Variants in PACSIN2 observed in about 807,000 individuals in gnomAD.
The protein encoded by PACSIN2 is protein kinase C and casein kinase substrate in neurons 2, also known as protein kinase C and casein kinase substrate in neurons protein 2.
Under a neutral mutation model 63.8 loss-of-function variants are expected in PACSIN2, and 25 were observed. The ratio of observed to expected loss-of-function variants is 0.39; its 90% CI spans 0.29 to 0.55. The LOEUF (loss-of-function observed/expected upper bound fraction) is 0.55. Ranked by LOEUF, PACSIN2 falls within the 20% of genes least tolerant of loss-of-function variation. The probability of loss-of-function intolerance (pLI) is 0.62; values close to 1 mark genes in which losing one functional copy is unlikely to be tolerated. For missense variants in PACSIN2, 518 were observed against 646.9 expected (o/e 0.80, Z 2.16); for synonymous variants, 255 against 256.2 (o/e 1.00, Z 0.05).
chr22:42,876,012 A>C, intron 10 of PACSIN2, 125 bp downstream of exon 10: 1 of 735,940 alleles, frequency 1.4e-6, no homozygotes, highest in Non-Finnish European at 2.2e-6. Flanking sequence ...GCACTGGGGA[A>C]GGGCCTGCAG....
intron 1 of PACSIN2, among the ~76,000 whole-genome samples, chr22:42,939,502 C>T (rs1254598678): frequency 2.0e-5 from 3 of 152,122 alleles, no homozygotes; most frequent in Non-Finnish European, 2.9e-5. Flanking sequence ...CCTAACTGAA[C>T]CAGAACGATG....
intron 7 of PACSIN2, among the ~76,000 whole-genome samples, chr22:42,880,913 G>A (rs1254869227): frequency 6.6e-6 from 1 of 152,232 alleles, no homozygotes; most frequent in Non-Finnish European, 1.5e-5. Context: ...CGCTGTGTCT[G>A]AAACCCCAGC....
At position 42,995,913 on chromosome 22, in the gene PACSIN2, A is replaced by G. The variant is rs7289926; in HGVS notation, c.-78+19108T>C. Among the ~76,000 whole-genome samples, 729 of 152,272 alleles carry G rather than the reference A, an allele frequency of 4.8e-3. 1 individual carries two copies. Among genetic ancestry groups the G allele is most frequent in the African/African-American group, 0.015 (620 of 41,550 alleles). The stretch of plus-strand genomic sequence containing the variant: ...ACCTGCCCCCTTCCCCAGTCTCCAG[A>G]AAAATTTAAAAATTAGCCAGGTATT... On this transcript the variant is annotated intron_variant, in intron 1 of 10. Coordinates refer to ENST00000263246, the MANE Select transcript of PACSIN2 (RefSeq NM_001184970.3).
intron 1 of PACSIN2, among the ~76,000 whole-genome samples, chr22:42,930,824 A>AG (rs1257493145): frequency 2.0e-5 from 3 of 152,232 alleles, no homozygotes; most frequent in African/African-American, 7.2e-5. Context: ...ACAACTAGTA[A>AG]GGGGCAGAGC....
Position 42,977,170 on chromosome 22 carries a change from T to C in PACSIN2, c.-78+37851A>G, listed in dbSNP as rs562987320. On this transcript the variant is annotated intron_variant, in intron 1 of 10. Transcript: ENST00000263246. Reference sequence around the variant, plus strand: ...GGATGGAAGAAGAAACAAACATTTTTACAAAGAAATAGAAATAGAAATTTG... The same window carrying C: ...GGATGGAAGAAGAAACAAACATTTTCACAAAGAAATAGAAATAGAAATTTG... Among the ~76,000 whole-genome samples, 339 of 152,064 alleles carry C rather than the reference T, an allele frequency of 2.2e-3. 2 individuals are homozygous for C. The highest frequency in any genetic ancestry group is 3.4e-3 in the Non-Finnish European group (233 of 67,930).
chr22:42,899,683 T>C (rs1274326861), intron 2 of PACSIN2, among the ~76,000 whole-genome samples: 1 of 152,226 alleles, frequency 6.6e-6, no homozygotes, highest in Non-Finnish European at 1.5e-5. Context: ...AGCAGCTTCA[T>C]TCTGGGCTTA....
intron 1 of PACSIN2, chr22:42,960,048 A>T (rs1934074914): frequency 6.6e-6 from 1 of 152,206 alleles, no homozygotes; most frequent in Non-Finnish European, 1.5e-5. Flanking sequence ...GAAAGTGGCC[A>T]AAGAGAAATT....
At chr22:43,000,421 ACTG>A (rs757358970) in intron 1 of PACSIN2, among the ~76,000 whole-genome samples, 18 of 152,132 alleles carry the variant, frequency 1.2e-4, no homozygotes, top group Non-Finnish European at 2.6e-4. Context: ...CACCAATCAC[ACTG>A]CTAACATGAG....
At chr22:42,974,673 T>C (rs1464056519) in intron 1 of PACSIN2, among the ~76,000 whole-genome samples, 2 of 147,772 alleles carry the variant, frequency 1.4e-5, no homozygotes, top group Non-Finnish European at 1.5e-5. Flanking sequence ...TGCTTAAACC[T>C]GGGAGGTGGA....
intron 4 of PACSIN2, among the ~76,000 whole-genome samples, chr22:42,889,459 G>A (rs1193475177): frequency 1.3e-5 from 2 of 151,548 alleles, no homozygotes; most frequent in Non-Finnish European, 2.9e-5. Context: ...GAGGGAAGGA[G>A]GAGTTTATTA....
Position 42,891,144 on chromosome 22 carries a change from A to C in PACSIN2, c.256T>G (p.Phe86Val). The C allele has an allele frequency of 6.2e-7, 1 of 1,614,032 alleles. No homozygotes were observed. The highest frequency in any genetic ancestry group is 8.5e-7 in the Non-Finnish European group (1 of 1,179,992). The change falls in exon 4 of 11, where the codon TTC becomes GTC. Residue 86 changes from phenylalanine to valine, a missense_variant. Physicochemically the swap from Phe to Val is conservative, Grantham distance 50. Around this residue, in one of 2 missense-constraint regions of PACSIN2, gnomAD observed 507 missense variants for 612.3 expected, o/e 0.83. Coordinates refer to ENST00000263246, the MANE Select transcript of PACSIN2 (RefSeq NM_001184970.3). Reference protein sequence around the residue: ...YGTVEKAWMAFMSEAERVSEL... With the variant: ...YGTVEKAWMAVMSEAERVSEL... ...CTCACCCTCTCTGCCTCGGACATGA[A>C]GGCCATCCAGGCCTTCTCCACGGTC...
intron 1 of PACSIN2, among the ~76,000 whole-genome samples, chr22:42,941,354 T>C (rs912941927): frequency 6.6e-6 from 1 of 152,254 alleles, no homozygotes; most frequent in East Asian, 1.9e-4. Flanking sequence ...CTATTACCAT[T>C]TGTGTACAAG....
chr22:42,975,734 G>C (rs1319508425), intron 1 of PACSIN2, among the ~76,000 whole-genome samples: 1 of 151,128 alleles, frequency 6.6e-6, no homozygotes, highest in Non-Finnish European at 1.5e-5. Context: ...CCCACTAGGA[G>C]TTTCCCTGTG....
chr22:42,925,451 G>A (rs1213607932), intron 1 of PACSIN2, among the ~76,000 whole-genome samples: 2 of 150,740 alleles, frequency 1.3e-5, no homozygotes, highest in African/African-American at 2.4e-5. Flanking sequence ...TAGCACTCCA[G>A]CCTGGGCGAC....
chr22:43,010,526 T>C (rs557525881), intron 1 of PACSIN2, among the ~76,000 whole-genome samples: 23 of 151,876 alleles, frequency 1.5e-4, no homozygotes, highest in African/African-American at 4.6e-4. Flanking sequence ...CTGGCTAACA[T>C]AGTGAAACCC....
At chr22:42,957,615 C>T (rs1367324328) in intron 1 of PACSIN2, among the ~76,000 whole-genome samples, 2 of 152,040 alleles carry the variant, frequency 1.3e-5, no homozygotes, top group Non-Finnish European at 2.9e-5. Flanking sequence ...TAAATTAAAT[C>T]GTTTTCTCCT....
chr22:42,877,042 A>C (rs773123036), intron 8 of PACSIN2, 32 bp from the exon 9 acceptor site: 14 of 1,612,990 alleles, frequency 8.7e-6, no homozygotes, highest in Non-Finnish European at 1.2e-5. Context: ...AGGGGATCCC[A>C]GCTCTGCAGG....
chr22:42,943,585 G>C (rs1457312854), intron 1 of PACSIN2, among the ~76,000 whole-genome samples: 2 of 152,178 alleles, frequency 1.3e-5, no homozygotes, highest in Non-Finnish European at 2.9e-5. Flanking sequence ...TTTCTGTCAT[G>C]AAGAGGTGTT....
At chr22:42,909,645 G>C (rs1156755341) in intron 2 of PACSIN2, 1 of 468,348 alleles carries the variant, frequency 2.1e-6, no homozygotes, top group African/African-American at 2.0e-5. Flanking sequence ...AGATGTTCTT[G>C]TCTACTGACA....
Sources: gnomAD v4.1 joint callset for allele counts (sites outside exome capture counted in the v4.1 genomes callset) on GRCh38, gnomAD v4.1.1 for gene constraint, gnomAD v4.1.1 regional missense constraint, MANE v1.5 for transcripts, NCBI Gene and HGNC (gene_info 2026-07-23, HGNC 2026-07-21) for gene names.